The following ZNF467 variants were observed in gnomAD, a reference collection of about 807,000 sequenced individuals.
ZNF467 encodes the protein zinc finger protein EZI.
A neutral mutation model predicts 47.8 loss-of-function variants in ZNF467; 51 were observed. The ratio of observed to expected loss-of-function variants is 1.07; its 90% confidence interval spans 0.85 to 1.35. The LOEUF (loss-of-function observed/expected upper bound fraction) is 1.35. Ranked by LOEUF, ZNF467 falls within the 40% of genes most tolerant of loss-of-function variation. The pLI, the probability that ZNF467 is intolerant of heterozygous loss-of-function variation, is 0.00. For missense variants in ZNF467, 992 were observed against 858.1 expected (o/e 1.16, Z -1.95); for synonymous variants, 416 against 372.9 (o/e 1.12, Z -1.33).
At position 149,764,962 on chromosome 7, in the gene ZNF467, G is replaced by A. The variant is rs1799117579; in HGVS notation, c.1540C>T (p.Pro514Ser). The A allele has an allele frequency of 6.3e-7, 1 of 1,589,978 alleles. No homozygotes were observed. The highest frequency in any genetic ancestry group is 8.5e-7 in the Non-Finnish European group (1 of 1,174,150). ...RHQAVHTGSR[P>S]HACAVCARSF... ...CGGGCGCAGACGGCGCAGGCGTGGGGGCGGCTGCCAGTGTGCACCGCCTGG... is the reference window on the plus strand; with the variant it reads ...CGGGCGCAGACGGCGCAGGCGTGGGAGCGGCTGCCAGTGTGCACCGCCTGG... The change falls in exon 5 of 5, where the codon CCC (proline) becomes TCC (serine). Residue 514 changes from proline to serine, a missense_variant. By Grantham distance (74) the Pro-to-Ser change is moderately conservative. Coordinates refer to ENST00000302017, the MANE Select transcript of ZNF467 (RefSeq NM_207336.3).
At chr7:149,776,368 A>C (rs1302645214), upstream of ZNF467, 1 of 1,363,398 alleles carries the variant, frequency 7.3e-7, no homozygotes, top group Non-Finnish European at 9.8e-7. Flanking sequence ...GTGGACAGAG[A>C]CCATCCGTGT....
Position 149,764,312 on chromosome 7 carries a change from C to CAA in ZNF467, c.*401_*402insTT. On this transcript the variant is annotated 3_prime_UTR_variant, in exon 5 of 5. Transcript: ENST00000302017. Reference sequence around the variant, plus strand: ...TGTGTGGATGGAGGTGGGACAGTGGCTAAGGAGAGTCAGGTGTTCCCTCCC... The same window carrying CAA: ...TGTGTGGATGGAGGTGGGACAGTGGCAATAAGGAGAGTCAGGTGTTCCCTCCC... The CAA allele has an allele frequency of 4.5e-6, 2 of 447,162 alleles. No individual in the cohort carries two copies. The highest frequency in any genetic ancestry group is 9.8e-5 in the South Asian group (2 of 20,418). The allele number at this position is 447,162 out of a possible 1,614,324, so 27.7% of individuals were successfully genotyped here.
Position 149,764,743 on chromosome 7 carries a change from C to T in ZNF467, c.1759G>A (p.Glu587Lys). ...AAGAAGAGCGGGGGCGGCGCCACCT[C>T]GGGGGGAGCGGACCAGGCTGGGGCC... ...LAAPAWSAPPEVAPPPLFF is the reference protein window; with the variant it reads ...LAAPAWSAPPKVAPPPLFF Residue 587 changes from glutamate to lysine, a missense_variant, in exon 5 of 5, where the codon GAG becomes AAG. Glu to Lys is a moderately conservative substitution (Grantham distance 56). Transcript: ENST00000302017. 1 of 1,547,242 alleles carries T rather than the reference C, an allele frequency of 6.5e-7. No individual in the cohort carries two copies. Among genetic ancestry groups the T allele is most frequent in the Non-Finnish European group, 8.7e-7 (1 of 1,143,798 alleles).
chr7:149,775,351 G>T (rs757782496), upstream of ZNF467, among the ~76,000 whole-genome samples: 1 of 152,160 alleles, frequency 6.6e-6, no homozygotes, highest in East Asian at 1.9e-4. Flanking sequence ...AGCTACCCTA[G>T]AAGTGCTCCC....
upstream of ZNF467, among the ~76,000 whole-genome samples, chr7:149,775,652 G>A (rs1799550878): frequency 6.6e-6 from 1 of 151,922 alleles, no homozygotes; most frequent in Admixed American, 6.6e-5. Flanking sequence ...CAGAAATGGA[G>A]GGTGGCTTGC....
upstream of ZNF467, among the ~76,000 whole-genome samples, chr7:149,773,956 G>A (rs1043286694): frequency 5.3e-5 from 8 of 152,198 alleles, no homozygotes; most frequent in Admixed American, 3.3e-4. Flanking sequence ...TTGCGAGAAC[G>A]GGTCCTTCGA....
At chr7:149,776,218 A>T, upstream of ZNF467, 1 of 722,642 alleles carries the variant, frequency 1.4e-6, no homozygotes, top group East Asian at 9.9e-5. Context: ...GCCACTTCCC[A>T]TGAGTGTCTC....
In ZNF467 at chr7:149,769,916, A is replaced by G. The variant is rs572763866; in HGVS notation, c.151+524T>C. Among the ~76,000 whole-genome samples the G allele has an allele frequency of 1.3e-5, 2 of 152,230 alleles. No homozygotes were observed. The highest frequency in any genetic ancestry group is 4.1e-4 in the South Asian group (2 of 4,822). ...GCTGGTCTCGAATGGGGCTCAAGCA[A>G]TCCTTCCACCTTGGCCTCCCAAAGG... On this transcript the variant is annotated intron_variant, in intron 3 of 4. Coordinates refer to ENST00000302017, the MANE Select transcript of ZNF467 (RefSeq NM_207336.3). The surrounding 1 kb of genome is among the most constrained non-coding windows in gnomAD (Gnocchi z 5.3).
chr7:149,765,443 CT>C lies in ZNF467; in HGVS notation c.1058del (p.Lys353SerfsTer10), dbSNP rs771935099. On this transcript the variant is annotated frameshift_variant, in exon 5 of 5. Transcript: ENST00000302017. LOFTEE classifies it high-confidence loss of function. The part of the protein sequence containing the change: ...PSPTPSFPGP[K>X]PFACSDCGLS... ...AGCCGCAGTCGGAGCACGCGAAAGG[CT>C]TTGGCCCGGGAAAGGATGGGGTCGG... 2.5e-6 allele frequency: 4 copies of C among 1,581,510 alleles called. No individual in the cohort carries two copies. The highest frequency in any genetic ancestry group is 1.3e-5 in the African/African-American group (1 of 74,580).
chr7:149,765,695 C>G lies in ZNF467; in HGVS notation c.807G>C (p.Glu269Asp). The stretch of plus-strand genomic sequence containing the variant: ...CGCATTCCGTGCAGGGGAAGGGCCG[C>G]TCGCCGGTGTGGGTCTTTTGGTGCG... ...LGSHQKTHTG[E>D]RPFPCTECEK... is the part of the protein sequence containing the mutation. The change falls in exon 5 of 5, where the codon GAG becomes GAC. Residue 269 changes from glutamate (E) to aspartate (D), a missense_variant. By Grantham distance (45) the Glu-to-Asp change is conservative. Coordinates refer to ENST00000302017, the MANE Select transcript of ZNF467 (RefSeq NM_207336.3). The G allele has an allele frequency of 6.2e-7, 1 of 1,613,522 alleles. No homozygotes were observed.
chr7:149,776,124 G>A (rs1463169464), upstream of ZNF467: 14 of 1,349,374 alleles, frequency 1.0e-5, no homozygotes, highest in Non-Finnish European at 1.4e-5. Flanking sequence ...CTCTGACAAG[G>A]GTCCTCCTTC....
At chr7:149,774,785 C>T (rs1799529699), upstream of ZNF467, among the ~76,000 whole-genome samples, 1 of 152,074 alleles carries the variant, frequency 6.6e-6, no homozygotes, top group African/African-American at 2.4e-5. This position sits in a 1 kb window ranked among gnomAD's most constrained non-coding sequence, Gnocchi z 5.7. Flanking sequence ...AGGAGTTGAT[C>T]CCAGTCATCC....
rs1799490216 is a variant in ZNF467 at position 149,773,414 on chromosome 7, G to C, written c.-349C>G. The C allele has an allele frequency of 6.8e-6, 1 of 147,938 alleles. No homozygotes were observed. Among genetic ancestry groups the C allele is most frequent in the Admixed American group, 6.7e-5 (1 of 14,862 alleles). The allele number at this position is 147,938 out of a possible 1,614,324, so 9.2% of individuals were successfully genotyped here. ...GTGGGGTCCCAGGAGGGAGCACCGT[G>C]GGCTTAGGTGGGCAGGTGATGGTCC... On this transcript the variant is annotated 5_prime_UTR_variant, in exon 1 of 5. Transcript: ENST00000302017.
chr7:149,765,679 T>C lies in ZNF467; in HGVS notation c.823A>G (p.Thr275Ala). The change falls in exon 5 of 5, where the codon ACG becomes GCG. Residue 275 changes from threonine (T) to alanine (A), a missense_variant. Physicochemically the swap from Thr to Ala is moderately conservative, Grantham distance 58. Transcript: ENST00000302017. ...THTGERPFPCTECEKRFRKKT... is the reference protein window; with the variant it reads ...THTGERPFPCAECEKRFRKKT... Reference sequence around the variant, plus strand: ...TTGCGAAAGCGCTTCTCGCATTCCGTGCAGGGGAAGGGCCGCTCGCCGGTG... The same window carrying C: ...TTGCGAAAGCGCTTCTCGCATTCCGCGCAGGGGAAGGGCCGCTCGCCGGTG... 1 of 1,612,826 alleles carries C rather than the reference T, an allele frequency of 6.2e-7. No individual in the cohort carries two copies. Among genetic ancestry groups the C allele is most frequent in the Non-Finnish European group, 8.5e-7 (1 of 1,179,666 alleles).
intron 4 of ZNF467, among the ~76,000 whole-genome samples, chr7:149,766,619 C>G (rs1799232269): frequency 1.3e-5 from 2 of 152,242 alleles, no homozygotes; most frequent in Non-Finnish European, 2.9e-5. Context: ...GTCTCCATCT[C>G]TGGTCCAGCA....
rs566132196 is a variant in ZNF467 at position 149,770,708 on chromosome 7, G to GT, written c.35-153dup. On this transcript the variant is annotated intron_variant, in intron 2 of 4. Coordinates refer to ENST00000302017, the MANE Select transcript of ZNF467 (RefSeq NM_207336.3). ...TCTCTCACCACATGGACAGGGACAG[G>GT]TATCAACCTCAGTCCCTTTGAGTTG... The GT allele has an allele frequency of 1.8e-4, 122 of 693,768 alleles. No homozygotes were observed. In the East Asian group the frequency reaches 2.6e-3, roughly 15 times the overall value. 43.0% of individuals were successfully genotyped at this position (693,768 alleles called of 1,614,324 possible).
Position 149,765,784 on chromosome 7 carries a change from C to A in ZNF467, c.718G>T (p.Gly240Cys), listed in dbSNP as rs1051213733. The A allele has an allele frequency of 6.2e-7, 1 of 1,611,732 alleles. No individual in the cohort carries two copies. Among genetic ancestry groups the A allele is most frequent in the African/African-American group, 1.3e-5 (1 of 75,016 alleles). Residue 240 changes from glycine to cysteine, a missense_variant, in exon 5 of 5, where the codon GGC becomes TGC. Physicochemically the swap from Gly to Cys is radical, Grantham distance 159 (BLOSUM62 -3). Coordinates refer to ENST00000302017, the MANE Select transcript of ZNF467 (RefSeq NM_207336.3). ...TCCGCGCACGGGTAGGGCCGCTCGC[C>A]CGTGTGCGTGCGCAGGTGGCGGGTC... ...HLTRHLRTHT[G>C]ERPYPCAECG...
upstream of ZNF467, chr7:149,776,449 G>T (rs747290091): frequency 5.2e-5 from 70 of 1,344,602 alleles, no homozygotes; most frequent in Non-Finnish European, 6.4e-5. Flanking sequence ...CAGCCGCCTG[G>T]GCTGGCGGCT....
At position 149,765,989 on chromosome 7, in the gene ZNF467, G is replaced by T. The variant is rs1454543719; in HGVS notation, c.513C>A (p.Asp171Glu). The change falls in exon 5 of 5, where the codon GAC (aspartate) becomes GAA (glutamate). Residue 171 changes from aspartate (D) to glutamate (E), a missense_variant. Coordinates refer to ENST00000302017, the MANE Select transcript of ZNF467 (RefSeq NM_207336.3). ...GCGECERRFRDQLTLRLHQRL... is the reference protein window; with the variant it reads ...GCGECERRFREQLTLRLHQRL... ...GCTGGTGCAGTCGCAACGTCAGCTG[G>T]TCCCGGAAGCGCCGCTCACACTCCC... The T allele has an allele frequency of 6.4e-7, 1 of 1,557,406 alleles. No individual in the cohort carries two copies.
Sources: allele counts gnomAD v4.1 joint callset (sites outside exome capture counted in the v4.1 genomes callset), GRCh38; gene constraint gnomAD v4.1.1; non-coding constraint Gnocchi (gnomAD v3.1); transcripts MANE v1.5; gene names NCBI Gene and HGNC (gene_info 2026-07-23, HGNC 2026-07-21).